The following NID1 variants were observed in gnomAD, a reference collection of about 807,000 sequenced individuals.
NID1 encodes the protein nidogen 1.
A neutral mutation model predicts 130.6 loss-of-function variants in NID1; 76 were observed. That is an observed-to-expected ratio of 0.58 (90% CI 0.48 to 0.70). The LOEUF (loss-of-function observed/expected upper bound fraction) is 0.70. NID1 is among the 30% of genes least tolerant of loss of function. The pLI is 0.00. For missense variants in NID1, 1,517 were observed against 1,664.8 expected (o/e 0.91, Z 1.54); for synonymous variants, 665 against 675.1 (o/e 0.98, Z 0.23).
chr1:235,981,618 CG>C lies in NID1; in HGVS notation c.3219del (p.Val1074Ter). The C allele has an allele frequency of 6.2e-7, 1 of 1,611,468 alleles. No individual in the cohort carries two copies. The highest frequency in any genetic ancestry group is 8.5e-7 in the Non-Finnish European group (1 of 1,179,038). ...ATATTTACACAAAGATACCCTCTCACGGAATCCGTTACAATGCCTCTGGGAT... is the reference window on the plus strand; with the variant it reads ...ATATTTACACAAAGATACCCTCTCACGAATCCGTTACAATGCCTCTGGGAT... Reference protein sequence around the residue: ...LVNPRGIVTDSVRGNLYWTDW... With the variant: ...LVNPRGIVTDXVRGNLYWTDW... On this transcript the variant is annotated frameshift_variant, in exon 16 of 20. Coordinates refer to ENST00000264187, the MANE Select transcript of NID1 (RefSeq NM_002508.3). LOFTEE classifies it high-confidence loss of function.
chr1:236,048,661 C>G, intron 2 of NID1, 29 bp downstream of exon 2: 3 of 1,599,190 alleles, frequency 1.9e-6, no homozygotes, highest in Non-Finnish European at 2.5e-6. Context: ...TGTCTGATTA[C>G]CTGCACTTGG....
Position 236,064,978 on chromosome 1 carries a change from G to C in NID1, c.102C>G (p.Leu34=). Residue 34 remains leucine (L), a synonymous_variant, in exon 1 of 20, where the codon CTC becomes CTG. Transcript: ENST00000264187. ...GPVGCLSRQE[L]FPFGPGQGDL... ...CCCCCTGTCCGGGGCCGAAGGGAAA[G>C]AGCTCCTGGCGGCTCAGGCAGCCCA... 6 of 1,582,418 alleles carry C rather than the reference G, an allele frequency of 3.8e-6. No individual in the cohort carries two copies. The highest frequency in any genetic ancestry group is 5.2e-6 in the Non-Finnish European group (6 of 1,165,004).
At chr1:236,063,764 C>CAACA (rs1660110929) in intron 1 of NID1, among the ~76,000 whole-genome samples, 2 of 152,150 alleles carry the variant, frequency 1.3e-5, no homozygotes, top group African/African-American at 2.4e-5. Context: ...CCAGCCTGGG[C>CAACA]AACAGAGCAA....
At chr1:236,060,743 A>AC (rs1212435331) in intron 1 of NID1, 3 of 143,684 alleles carry the variant, frequency 2.1e-5, no homozygotes, top group Admixed American at 7.2e-5. Flanking sequence ...TGATATACAA[A>AC]CCCCCCAGGC....
intron 12 of NID1, among the ~76,000 whole-genome samples, chr1:236,009,579 G>A (rs529996931): frequency 6.6e-6 from 1 of 152,084 alleles, no homozygotes; most frequent in African/African-American, 2.4e-5. Flanking sequence ...ACACATGTAG[G>A]TATATTTTCA....
intron 14 of NID1, among the ~76,000 whole-genome samples, chr1:235,989,088 T>C (rs1657652456): frequency 6.6e-6 from 1 of 150,530 alleles, no homozygotes; most frequent in African/African-American, 2.5e-5. Flanking sequence ...TTTTTTTTTT[T>C]TTTGAGACAA....
Position 236,045,657 on chromosome 1 carries a change from G to A in NID1, c.552C>T (p.Ala184=), listed in dbSNP as rs1659580294. ...TGGCATAGGAGCTGGAATCAGAGGAGGCTAGAACAGCCTGGAACGTGTTTC... is the reference window on the plus strand; with the variant it reads ...TGGCATAGGAGCTGGAATCAGAGGAAGCTAGAACAGCCTGGAACGTGTTTC... The part of the protein sequence containing the change: ...GKRNTFQAVL[A]SSDSSSYAIF... Residue 184 remains alanine, a synonymous_variant, in exon 3 of 20, where the codon GCC becomes GCT. Transcript: ENST00000264187. 1 of 1,613,868 alleles carries A rather than the reference G, an allele frequency of 6.2e-7. No individual in the cohort carries two copies. The highest frequency in any genetic ancestry group is 1.7e-5 in the Admixed American group (1 of 59,990).
intron 14 of NID1, among the ~76,000 whole-genome samples, chr1:235,986,825 A>T (rs991190201): frequency 6.6e-6 from 1 of 152,208 alleles, no homozygotes; most frequent in Admixed American, 6.5e-5. Flanking sequence ...TCAGGCCTCA[A>T]CTGTGGGTAC....
chr1:236,041,086 C>T (rs1017328963), intron 4 of NID1, among the ~76,000 whole-genome samples: 26 of 150,260 alleles, frequency 1.7e-4, no homozygotes, highest in Non-Finnish European at 3.6e-4. Flanking sequence ...TTTTTCTTTT[C>T]GAGGCAGAGA....
Position 236,065,076 on chromosome 1 carries a change from A to C in NID1, c.4T>G (p.Leu2Val). 6.5e-7 allele frequency: 1 copy of C among 1,549,896 alleles called. No homozygotes were observed. Among genetic ancestry groups the C allele is most frequent in the Non-Finnish European group, 8.7e-7 (1 of 1,146,718 alleles). ...GCCCGGATCCGGCTGCTCGAGGCCA[A>C]CATGTTCCCGAACTGCGGTCCCGCA... is the stretch of plus-strand genomic sequence containing the variant. M[L>V]ASSSRIRAAW... The change falls in exon 1 of 20, where the codon TTG (leucine) becomes GTG (valine). Residue 2 changes from leucine (L) to valine (V), a missense_variant. This residue lies in a region of NID1 where 1,329 missense variants were observed against 1,429.2 expected (regional missense o/e 0.93). Transcript: ENST00000264187. The surrounding 1 kb of genome is among the most constrained non-coding windows in gnomAD (Gnocchi z 4.1).
chr1:236,013,609 GCAGGCCA>G lies in NID1; in HGVS notation c.2255-56_2255-50del, dbSNP rs768024496. 5.6e-6 allele frequency: 9 copies of G among 1,611,022 alleles called. No homozygotes were observed. The African/African-American group carries it at 6.7e-5, about 12-fold the overall frequency. ...CAGTCTTAGGAAGAAAGTCCCCTGA[GCAGGCCA>G]CATGCCCCTCCCAGCTCTATAAAGA... On this transcript the variant is annotated intron_variant, in intron 10 of 19. Coordinates refer to ENST00000264187, the MANE Select transcript of NID1 (RefSeq NM_002508.3).
chr1:236,008,736 G>A (rs367931123), intron 12 of NID1, among the ~76,000 whole-genome samples: 2 of 151,102 alleles, frequency 1.3e-5, no homozygotes, highest in Admixed American at 6.6e-5. Flanking sequence ...GCGTGATCTC[G>A]GATCACCGCA....
intron 5 of NID1, among the ~76,000 whole-genome samples, 184 bp downstream of exon 5, chr1:236,037,919 CT>C (rs1276035009): frequency 6.6e-6 from 1 of 152,086 alleles, no homozygotes; most frequent in Non-Finnish European, 1.5e-5. Context: ...AAAAATGGGC[CT>C]TCCTGGGGGA....
At chr1:236,012,139 C>A in intron 11 of NID1, 96 bp from the exon 12 acceptor site, 1 of 1,464,718 alleles carries the variant, frequency 6.8e-7, no homozygotes, top group Non-Finnish European at 9.3e-7. Context: ...TCTATGGGAA[C>A]CTGCTTCTGA....
chr1:236,025,908 C>T lies in NID1; in HGVS notation c.1972G>A (p.Gly658Arg), dbSNP rs1658915172. The T allele has an allele frequency of 6.2e-7, 1 of 1,613,900 alleles. No individual in the cohort carries two copies. Among genetic ancestry groups the T allele is most frequent in the African/African-American group, 1.3e-5 (1 of 74,886 alleles). ...TGTATCCCCTTACCCCTCACAGGCC[C>T]AATGGAGTTGCTGAGAGCATAGCGC... ...ILRYALSNSI[G>R]PVREGSPDAL... is the part of the protein sequence containing the mutation. The change falls in exon 8 of 20, where the codon GGG becomes AGG. Residue 658 changes from glycine to arginine, a missense_variant. Gly to Arg is a moderately radical substitution (Grantham distance 125, BLOSUM62 -2). This residue lies in a region of NID1 where 1,329 missense variants were observed against 1,429.2 expected (regional missense o/e 0.93). Transcript: ENST00000264187.
chr1:235,987,521 A>T (rs1193613032), intron 14 of NID1, among the ~76,000 whole-genome samples: 1 of 152,190 alleles, frequency 6.6e-6, no homozygotes, highest in African/African-American at 2.4e-5. Context: ...AGAAGCACAA[A>T]CTTTTCCCTT....
chr1:236,018,101 T>C (rs989710412), intron 9 of NID1, among the ~76,000 whole-genome samples: 2 of 152,164 alleles, frequency 1.3e-5, no homozygotes, highest in African/African-American at 2.4e-5. Context: ...ACTCATGAGA[T>C]TGTAAATGAA....
At chr1:236,043,695 C>T (rs984557147) in intron 3 of NID1, among the ~76,000 whole-genome samples, 32 of 152,096 alleles carry the variant, frequency 2.1e-4, no homozygotes, top group African/African-American at 6.3e-4. Context: ...CTGCTCGGGA[C>T]GCTGAAGCAG....
At position 235,978,873 on chromosome 1, in the gene NID1, G is replaced by A. The variant is rs1572573090; in HGVS notation, c.3622+122C>T. On this transcript the variant is annotated intron_variant, in intron 19 of 19. Coordinates refer to ENST00000264187, the MANE Select transcript of NID1 (RefSeq NM_002508.3). Reference sequence around the variant, plus strand: ...GCTAATGAAGACCCTGGATGCAAAGGACTGGATCTCTCTTACGGCATAATC... The same window carrying A: ...GCTAATGAAGACCCTGGATGCAAAGAACTGGATCTCTCTTACGGCATAATC... 6 of 668,810 alleles carry A rather than the reference G, an allele frequency of 9.0e-6. No homozygotes were observed. In the South Asian group the frequency reaches 1.1e-4, roughly 12 times the overall value. The allele number at this position is 668,810 out of a possible 1,614,324, so 41.4% of individuals were successfully genotyped here. A position where few individuals can be genotyped will look rare whatever the true frequency, so the allele number is the denominator to read the frequency against.
Sources: allele counts gnomAD v4.1 joint callset (sites outside exome capture counted in the v4.1 genomes callset), GRCh38; gene constraint gnomAD v4.1.1; regional missense constraint gnomAD v4.1.1; non-coding constraint Gnocchi (gnomAD v3.1); transcripts MANE v1.5; gene names NCBI Gene and HGNC (gene_info 2026-07-23, HGNC 2026-07-21).